Variants in CLEC7A observed in about 807,000 individuals in gnomAD.
CLEC7A encodes the protein C-type lectin domain family 7 member A.
Under a neutral mutation model 26.9 loss-of-function variants are expected in CLEC7A, and 25 were observed. The ratio of observed to expected loss-of-function variants is 0.93; its 90% CI spans 0.68 to 1.30. The LOEUF (loss-of-function observed/expected upper bound fraction) is 1.30. Among genes scored for constraint, CLEC7A ranks in the 50% most tolerant of loss-of-function variants. The pLI is 0.00. For missense variants in CLEC7A, 275 were observed against 286.7 expected (o/e 0.96, Z 0.29); for synonymous variants, 100 against 99.5 (o/e 1.01, Z -0.03).
chr12:10,127,445 A>G, intron 2 of CLEC7A: 1 of 1,613,862 alleles, frequency 6.2e-7, no homozygotes. Context: ...GAAACCAGCT[A>G]TGTAAGGGAG....
intron 2 of CLEC7A, chr12:10,127,049 GTTAT>G (rs1948314318): frequency 5.7e-6 from 8 of 1,391,666 alleles, no homozygotes; most frequent in Non-Finnish European, 7.6e-6. Flanking sequence ...CCTTTCTTCT[GTTAT>G]TTAAAAATGA....
intron 5 of CLEC7A, among the ~76,000 whole-genome samples, chr12:10,122,484 C>CTTTTTTTTTTTTTTTTTTTTT (rs143612827): frequency 4.7e-5 from 6 of 128,844 alleles, no homozygotes; most frequent in African/African-American, 1.9e-4. Flanking sequence ...TTCTTTTTTT[C>CTTTTTTTTTTTTTTTTTTTTT]TTTTTTTTTT....
Position 10,118,485 on chromosome 12 carries a change from A to G in CLEC7A, c.717T>C (p.Ser239=), listed in dbSNP as rs760890056. The G allele has an allele frequency of 8.1e-6, 13 of 1,610,900 alleles. No individual in the cohort carries two copies. The highest frequency in any genetic ancestry group is 1.7e-5 in the Admixed American group (1 of 59,886). The change falls in exon 6 of 6, where the codon AGT becomes AGC. Residue 239 remains serine, a synonymous_variant. Coordinates refer to ENST00000304084, the MANE Select transcript of CLEC7A (RefSeq NM_197947.3). ...YDQLCSVPSY[S]ICEKKFSM is the part of the protein sequence containing the mutation. ...ACATTGAAAACTTCTTCTCACAAATACTATATGAGGGCACACTACACAGTT... is the reference window on the plus strand; with the variant it reads ...ACATTGAAAACTTCTTCTCACAAATGCTATATGAGGGCACACTACACAGTT...
At chr12:10,123,412 G>A (rs1948163720) in intron 4 of CLEC7A, 49 bp from the exon 5 acceptor site, 1 of 1,020,056 alleles carries the variant, frequency 9.8e-7, no homozygotes, top group South Asian at 1.3e-5. Context: ...GAGAGAGAGA[G>A]AAAGAAACTA....
intron 4 of CLEC7A, among the ~76,000 whole-genome samples, chr12:10,123,977 C>A (rs1307552066): frequency 6.6e-6 from 1 of 152,152 alleles, no homozygotes; most frequent in African/African-American, 2.4e-5. Context: ...TCCCCCTAGG[C>A]AGTTTTCATG....
chr12:10,124,983 G>A (rs1050882203), intron 4 of CLEC7A: 5 of 293,178 alleles, frequency 1.7e-5, no homozygotes, highest in Non-Finnish European at 3.3e-5. Context: ...GATCGCTTGT[G>A]CCCAGGATTT....
At chr12:10,128,207 A>AACACACACACACACACACACAC (rs71860807) in intron 1 of CLEC7A, among the ~76,000 whole-genome samples, 2 of 132,786 alleles carry the variant, frequency 1.5e-5, no homozygotes, top group African/African-American at 6.0e-5. Flanking sequence ...ACCCTGTTAA[A>AACACACACACACACACACACAC]ACACACACAC....
chr12:10,125,228 C>T (rs1003984973), intron 4 of CLEC7A, 69 bp downstream of exon 4: 5 of 1,253,992 alleles, frequency 4.0e-6, no homozygotes, highest in Non-Finnish European at 5.6e-6. Flanking sequence ...ATTGTCATTA[C>T]CTGGAATCTC....
rs933483860 is a variant in CLEC7A at position 10,117,687 on chromosome 12, TGTG to T, written c.*768_*770del. 13 of 152,192 alleles carry T rather than the reference TGTG, an allele frequency of 8.5e-5. No individual in the cohort carries two copies. Among genetic ancestry groups the T allele is most frequent in the African/African-American group, 3.1e-4 (13 of 41,448 alleles). 9.4% of individuals were successfully genotyped at this position (152,192 alleles called of 1,614,324 possible). A position where few individuals can be genotyped will look rare whatever the true frequency, so the allele number is the denominator to read the frequency against. On this transcript the variant is annotated 3_prime_UTR_variant, in exon 6 of 6. Coordinates refer to ENST00000304084, the MANE Select transcript of CLEC7A (RefSeq NM_197947.3). ...ATGAAAATAATAAAATTGCTCTGAC[TGTG>T]GTGAAGATTTTTTCCCATTTCTTCA...
chr12:10,125,500 T>A, intron 3 of CLEC7A, 52 bp from the exon 4 acceptor site: 1 of 1,462,918 alleles, frequency 6.8e-7, no homozygotes, highest in Non-Finnish European at 9.2e-7. Flanking sequence ...AATTCACTCT[T>A]TTAGTGTGAA....
At chr12:10,127,067 A>G (rs765730415) in intron 2 of CLEC7A, 7 of 1,391,314 alleles carry the variant, frequency 5.0e-6, no homozygotes, top group Non-Finnish European at 6.6e-6. Context: ...AAAATGAGAG[A>G]TCCTTGAGAA....
At position 10,118,383 on chromosome 12, in the gene CLEC7A, T is replaced by C; in HGVS notation, c.*75A>G. 7.3e-7 allele frequency: 1 copy of C among 1,370,930 alleles called. No individual in the cohort carries two copies. Among genetic ancestry groups the C allele is most frequent in the Non-Finnish European group, 1.0e-6 (1 of 975,752 alleles). 84.9% of individuals were successfully genotyped at this position (1,370,930 alleles called of 1,614,324 possible). On this transcript the variant is annotated 3_prime_UTR_variant, in exon 6 of 6. Coordinates refer to ENST00000304084, the MANE Select transcript of CLEC7A (RefSeq NM_197947.3). ...TTTCTGCATTTATCTTGACCTCAGCTGTTACTCTTTTCTGTTCTGTTTTCT... is the reference window on the plus strand; with the variant it reads ...TTTCTGCATTTATCTTGACCTCAGCCGTTACTCTTTTCTGTTCTGTTTTCT...
intron 1 of CLEC7A, among the ~76,000 whole-genome samples, chr12:10,129,240 C>G (rs943464152): frequency 2.6e-5 from 4 of 151,930 alleles, no homozygotes; most frequent in African/African-American, 4.8e-5. Flanking sequence ...TAATCTCTTA[C>G]CACAAAAAAA....
chr12:10,127,332 A>G, intron 2 of CLEC7A: 4 of 1,541,924 alleles, frequency 2.6e-6, no homozygotes, highest in Non-Finnish European at 3.5e-6. Flanking sequence ...CTTAATGTCC[A>G]TTTAGTGAAT....
intron 2 of CLEC7A, 82 bp from the exon 3 acceptor site, chr12:10,126,790 G>T: frequency 9.2e-7 from 1 of 1,091,676 alleles, no homozygotes; most frequent in Non-Finnish European, 1.3e-6. Flanking sequence ...AAACCCAAAT[G>T]TTATTGGAAT....
In CLEC7A at chr12:10,128,239, CACACACA is replaced by C. The variant is rs1565410006; in HGVS notation, c.104-401_104-395del. Among the ~76,000 whole-genome samples, 317 of 143,806 alleles carry C rather than the reference CACACACA, an allele frequency of 2.2e-3. 1 individual carries two copies. Among genetic ancestry groups the C allele is most frequent in the Non-Finnish European group, 3.3e-3 (219 of 67,384 alleles). 94.3% of individuals were successfully genotyped at this position (143,806 alleles called of 152,430 possible). A position where few individuals can be genotyped will look rare whatever the true frequency, so the allele number is the denominator to read the frequency against. On this transcript the variant is annotated intron_variant, in intron 1 of 5. Transcript: ENST00000304084. ...ACACACACACACACACACACACACA[CACACACA>C]CCACCAACAACAACAACAAAAAATA...
At chr12:10,129,223 TTTAAA>T (rs1948408188) in intron 1 of CLEC7A, among the ~76,000 whole-genome samples, 1 of 152,190 alleles carries the variant, frequency 6.6e-6, no homozygotes, top group Non-Finnish European at 1.5e-5. Flanking sequence ...TTAAAAACAA[TTTAAA>T]TTAATCTCTT....
At chr12:10,128,755 C>T (rs955748219) in intron 1 of CLEC7A, among the ~76,000 whole-genome samples, 4 of 152,276 alleles carry the variant, frequency 2.6e-5, no homozygotes, top group Admixed American at 6.5e-5. Context: ...CATAAACATG[C>T]GCATGTCTCC....
intron 1 of CLEC7A, among the ~76,000 whole-genome samples, chr12:10,129,092 CTTCT>C (rs1309407356): frequency 6.6e-6 from 1 of 152,138 alleles, no homozygotes; most frequent in Non-Finnish European, 1.5e-5. Context: ...CTCCAATGCC[CTTCT>C]TTCTATTTCA....
Sources: allele counts gnomAD v4.1 joint callset (sites outside exome capture counted in the v4.1 genomes callset), GRCh38; gene constraint gnomAD v4.1.1; transcripts MANE v1.5; gene names NCBI Gene and HGNC (gene_info 2026-07-23, HGNC 2026-07-21).